Variants in STAG1 observed in about 807,000 individuals in gnomAD.
STAG1 encodes cohesin subunit SA-1.
A neutral mutation model predicts 170.9 loss-of-function variants in STAG1; 26 were observed. That is an observed-to-expected ratio of 0.15 (90% confidence interval 0.11 to 0.21). The LOEUF is 0.21. Ranked by LOEUF, STAG1 falls within the 10% of genes least tolerant of loss-of-function variation. The pLI, the probability that STAG1 is intolerant of heterozygous loss-of-function variation, is 1.00. For synonymous variants in STAG1, 514 were observed against 497.7 expected, an observed-to-expected ratio of 1.03 and a Z score of -0.44; for missense variants, 964 against 1,509.5, an observed-to-expected ratio of 0.64 and a Z score of 5.99.
intron 6 of STAG1, among the ~76,000 whole-genome samples, chr3:136,537,831 A>G (rs1935713085): frequency 6.6e-6 from 1 of 152,074 alleles, no homozygotes; most frequent in Admixed American, 6.6e-5. Flanking sequence ...CAAAATGGAA[A>G]GGCACCAAGC....
intron 6 of STAG1, among the ~76,000 whole-genome samples, chr3:136,521,706 T>C (rs531042737): frequency 6.4e-4 from 97 of 152,296 alleles, no homozygotes; most frequent in African/African-American, 2.0e-3. Context: ...TGGATCATAG[T>C]TGAGGTAATC....
chr3:136,620,784 T>C (rs1473175461), intron 3 of STAG1, among the ~76,000 whole-genome samples: 1 of 152,236 alleles, frequency 6.6e-6, no homozygotes, highest in Non-Finnish European at 1.5e-5. Flanking sequence ...TTTCTTATAC[T>C]GGTTGACATT....
At position 136,336,740 on chromosome 3, in the gene STAG1, G is replaced by C. The variant is rs529075777; in HGVS notation, c.*1514C>G. 3.1e-4 allele frequency: 47 copies of C among 152,310 alleles called. No homozygotes were observed. In the South Asian group the frequency reaches 3.9e-3, roughly 13 times the overall value. 9.4% of individuals were successfully genotyped at this position (152,310 alleles called of 1,614,324 possible). A position where few individuals can be genotyped will look rare whatever the true frequency, so the allele number is the denominator to read the frequency against. The stretch of plus-strand genomic sequence containing the variant: ...GTACAAATGTTGAGAAAAATGTTTT[G>C]TGTCTTTACTAAAAGGATGAATAAA... On this transcript the variant is annotated 3_prime_UTR_variant, in exon 34 of 34. Transcript: ENST00000383202.
rs779554747 is a variant in STAG1 at position 136,443,279 on chromosome 3, T to C, written c.1546+8A>G. Reference sequence around the variant, plus strand: ...AATCATGTAAATTAACTTGTCAAAATACTATACCTTCCTCTCCTTGAACAG... The same window carrying C: ...AATCATGTAAATTAACTTGTCAAAACACTATACCTTCCTCTCCTTGAACAG... On this transcript the variant is annotated splice_region_variant and intron_variant, in intron 15 of 33. Coordinates refer to ENST00000383202, the MANE Select transcript of STAG1 (RefSeq NM_005862.3). The C allele has an allele frequency of 3.7e-5, 59 of 1,579,498 alleles. No homozygotes were observed. Among genetic ancestry groups the C allele is most frequent in the Non-Finnish European group, 5.0e-5 (57 of 1,151,038 alleles).
intron 1 of STAG1, among the ~76,000 whole-genome samples, chr3:136,633,404 G>A (rs944364883): frequency 2.6e-5 from 4 of 152,040 alleles, no homozygotes; most frequent in African/African-American, 9.7e-5. Context: ...TGCCCTACAA[G>A]AAATGCTAAA....
chr3:136,413,354 G>T (rs2087682290), intron 21 of STAG1, among the ~76,000 whole-genome samples: 1 of 149,792 alleles, frequency 6.7e-6, no homozygotes, highest in Non-Finnish European at 1.5e-5. Context: ...ATTGAAAATG[G>T]ATTAGGTGAA....
intron 23 of STAG1, among the ~76,000 whole-genome samples, chr3:136,375,889 A>G (rs1326278465): frequency 6.6e-6 from 1 of 151,588 alleles, no homozygotes; most frequent in African/African-American, 2.4e-5. Flanking sequence ...GAATTGCTTG[A>G]ACTCAGGAGG....
At chr3:136,485,949 T>C (rs1227523404) in intron 9 of STAG1, among the ~76,000 whole-genome samples, 4 of 152,240 alleles carry the variant, frequency 2.6e-5, no homozygotes, top group Non-Finnish European at 4.4e-5. Flanking sequence ...GTTTTGCTTT[T>C]ACTAACAATG....
intron 2 of STAG1, among the ~76,000 whole-genome samples, chr3:136,628,079 T>C (rs180843397): frequency 4.9e-4 from 74 of 152,288 alleles, no homozygotes; most frequent in Admixed American, 4.1e-3. Flanking sequence ...GGGAGGGACC[T>C]GGTGGGAGGT....
intron 1 of STAG1, among the ~76,000 whole-genome samples, chr3:136,702,045 T>C (rs1419503956): frequency 2.1e-5 from 3 of 141,374 alleles, no homozygotes; most frequent in Non-Finnish European, 4.5e-5. Context: ...CCCAAGTAGC[T>C]AGGACTACAG....
At chr3:136,531,480 A>T (rs2107928873) in intron 6 of STAG1, among the ~76,000 whole-genome samples, 1 of 149,686 alleles carries the variant, frequency 6.7e-6, no homozygotes, top group East Asian at 2.0e-4. Context: ...TTGCGGCATT[A>T]TTCACAATAG....
intron 1 of STAG1, among the ~76,000 whole-genome samples, chr3:136,684,612 G>A (rs777763803): frequency 5.9e-5 from 9 of 151,744 alleles, no homozygotes; most frequent in Non-Finnish European, 1.0e-4. Context: ...TTAGCTGGAC[G>A]TCGTGGCATG....
At chr3:136,709,504 G>T (rs1943325392) in intron 1 of STAG1, among the ~76,000 whole-genome samples, 1 of 151,880 alleles carries the variant, frequency 6.6e-6, no homozygotes, top group South Asian at 2.1e-4. Flanking sequence ...GGAGGTCGAG[G>T]CAGGAGGACT....
chr3:136,441,421 C>A (rs1322836855), intron 15 of STAG1, among the ~76,000 whole-genome samples: 1 of 152,146 alleles, frequency 6.6e-6, no homozygotes, highest in Non-Finnish European at 1.5e-5. Context: ...GCAAATATAG[C>A]ATAATAAGCT....
chr3:136,477,182 C>A (rs2089774311), intron 10 of STAG1, 107 bp downstream of exon 10: 21 of 1,251,882 alleles, frequency 1.7e-5, no homozygotes, highest in Non-Finnish European at 2.3e-5. Flanking sequence ...TTAAAATTTC[C>A]ACATGATTAC....
intron 22 of STAG1, among the ~76,000 whole-genome samples, chr3:136,397,622 G>A (rs760296408): frequency 7.9e-5 from 12 of 152,020 alleles, no homozygotes; most frequent in South Asian, 2.1e-4. Context: ...ACTGGAGTGC[G>A]TTTATTTCTA....
intron 2 of STAG1, among the ~76,000 whole-genome samples, chr3:136,630,407 G>C (rs1409744478): frequency 1.3e-5 from 2 of 152,074 alleles, no homozygotes; most frequent in Admixed American, 1.3e-4. Context: ...AAGGGGTAGA[G>C]AAAGAGTATG....
At position 136,433,507 on chromosome 3, in the gene STAG1, T is replaced by C. The variant is rs185270675; in HGVS notation, c.1650+49A>G. ...AAAATTTCCAAATATTTAAGACAGT[T>C]AATTGCCATTAAAAACCTTTTAGGA... On this transcript the variant is annotated intron_variant, in intron 16 of 33. Transcript: ENST00000383202. 522 of 1,349,660 alleles carry C rather than the reference T, an allele frequency of 3.9e-4. 1 individual carries two copies. Among genetic ancestry groups the C allele is most frequent in the Middle Eastern group, 5.4e-4 (3 of 5,542 alleles). 83.6% of individuals were successfully genotyped at this position (1,349,660 alleles called of 1,614,324 possible).
At chr3:136,643,283 T>C (rs1940873063) in intron 1 of STAG1, among the ~76,000 whole-genome samples, 2 of 152,180 alleles carry the variant, frequency 1.3e-5, no homozygotes, top group African/African-American at 4.8e-5. Flanking sequence ...CTACAAACAA[T>C]GGTAAATAAA....
Sources: allele counts gnomAD v4.1 joint callset (sites outside exome capture counted in the v4.1 genomes callset), GRCh38; gene constraint gnomAD v4.1.1; transcripts MANE v1.5; gene names NCBI Gene and HGNC (gene_info 2026-07-23, HGNC 2026-07-21).